NT5C2: variants seen among roughly 807,000 people sequenced by gnomAD.
The protein encoded by NT5C2 is cytosolic purine 5'-nucleotidase.
A neutral mutation model predicts 76.1 loss-of-function variants in NT5C2; 58 were observed. The ratio of observed to expected loss-of-function variants is 0.76; its 90% confidence interval spans 0.62 to 0.95. The LOEUF (loss-of-function observed/expected upper bound fraction) is 0.95, where lower values mean the gene tolerates loss of function less well. Ranked by LOEUF, NT5C2 falls within the 40% of genes least tolerant of loss-of-function variation. The probability of loss-of-function intolerance (pLI) is 0.00; values close to 1 mark genes in which losing one functional copy is unlikely to be tolerated. For synonymous variants in NT5C2, 229 were observed against 237.4 expected (o/e 0.96, Z 0.32); for missense variants, 478 against 690.3 (o/e 0.69, Z 3.45).
intron 4 of NT5C2, among the ~76,000 whole-genome samples, chr10:103,127,317 T>C (rs933088618): frequency 3.3e-5 from 5 of 152,228 alleles, no homozygotes; most frequent in African/African-American, 1.2e-4. Context: ...ATAAACAAGA[T>C]TTTTGCATAT....
intron 14 of NT5C2, 164 bp downstream of exon 14, chr10:103,093,808 A>G (rs549941986): frequency 2.1e-5 from 12 of 574,184 alleles, no homozygotes; most frequent in Admixed American, 6.0e-5. Context: ...CAACTGCTCA[A>G]ACCCAGACTC....
intron 3 of NT5C2, among the ~76,000 whole-genome samples, chr10:103,152,374 GTTGT>G (rs764258627): frequency 5.3e-4 from 80 of 152,180 alleles, no homozygotes; most frequent in Non-Finnish European, 8.4e-4. Context: ...TATACCCCTG[GTTGT>G]TCTCGTTATT....
At chr10:103,109,732 A>C (rs2072424523) in intron 4 of NT5C2, among the ~76,000 whole-genome samples, 1 of 152,214 alleles carries the variant, frequency 6.6e-6, no homozygotes. Flanking sequence ...AGCTAGAGAA[A>C]TTAGGTAACT....
rs34758128 is a variant in NT5C2, at chr10:103,090,863, A to C, written c.1272+73T>G. On this transcript the variant is annotated intron_variant, in intron 17 of 18. Coordinates refer to ENST00000404739, the MANE Select transcript of NT5C2 (RefSeq NM_001351169.2). ...GAGCAGTAGTTGAATGCTAGTCTCTATAATAAATCAGGAATGTGAAAAAAG... is the reference window on the plus strand; with the variant it reads ...GAGCAGTAGTTGAATGCTAGTCTCTCTAATAAATCAGGAATGTGAAAAAAG... The C allele has an allele frequency of 0.086, 136,595 of 1,594,456 alleles. 6,793 individuals are homozygous for C. The highest frequency in any genetic ancestry group is 0.099 in the Non-Finnish European group (115,606 of 1,163,600).
chr10:103,186,643 G>A (rs1412167308), intron 1 of NT5C2, among the ~76,000 whole-genome samples: 5 of 152,152 alleles, frequency 3.3e-5, no homozygotes, highest in South Asian at 2.1e-4. Flanking sequence ...GGCTGGGTGC[G>A]GTGGCTCATG....
intron 3 of NT5C2, among the ~76,000 whole-genome samples, chr10:103,152,247 G>A (rs904538916): frequency 1.3e-5 from 2 of 152,124 alleles, no homozygotes; most frequent in Non-Finnish European, 2.9e-5. Context: ...TAAAAAGGCA[G>A]TCCTTTAAGA....
intron 4 of NT5C2, among the ~76,000 whole-genome samples, chr10:103,128,052 T>G (rs2077012120): frequency 1.5e-5 from 1 of 68,012 alleles, no homozygotes; most frequent in Non-Finnish European, 3.3e-5. Context: ...GGTCTCTCCC[T>G]CTCCCTCTCC....
chr10:103,159,497 T>A (rs1029472883), intron 3 of NT5C2, among the ~76,000 whole-genome samples: 6 of 150,540 alleles, frequency 4.0e-5, no homozygotes, highest in South Asian at 2.1e-4. Flanking sequence ...AAGAAAAAAA[T>A]TTAATTAGCT....
intron 2 of NT5C2, chr10:103,175,506 G>A: frequency 6.0e-6 from 1 of 165,488 alleles, no homozygotes; most frequent in South Asian, 1.6e-4. Flanking sequence ...ACTACCCCAA[G>A]GTGTGAGTCT....
chr10:103,121,240 C>T (rs1009947330), intron 4 of NT5C2, among the ~76,000 whole-genome samples: 8 of 151,954 alleles, frequency 5.3e-5, no homozygotes, highest in African/African-American at 1.9e-4. Flanking sequence ...TGCTTAATGC[C>T]ATTGAATTGT....
intron 8 of NT5C2, chr10:103,100,763 T>G (rs41317254): frequency 1.4e-4 from 82 of 583,072 alleles, no homozygotes; most frequent in Non-Finnish European, 2.4e-4. Flanking sequence ...TCCCACTCAG[T>G]TGTCACAATT....
chr10:103,147,488 C>T (rs1188625686), intron 3 of NT5C2, among the ~76,000 whole-genome samples: 2 of 152,202 alleles, frequency 1.3e-5, no homozygotes, highest in Admixed American at 6.5e-5. Flanking sequence ...TGCCACAGAA[C>T]TATGTGACAG....
chr10:103,187,110 C>T lies in NT5C2; in HGVS notation c.-168-5782G>A, dbSNP rs1339528470. Among the ~76,000 whole-genome samples the T allele has an allele frequency of 6.6e-5, 10 of 151,652 alleles. No homozygotes were observed. The East Asian group carries it at 1.7e-3, about 26-fold the overall frequency. ...ACTAAAAATACAAAAATTAGCTAGG[C>T]ATGGTGGCGCATACCTGTAATCCCA... On this transcript the variant is annotated intron_variant, in intron 1 of 18. Coordinates refer to ENST00000404739, the MANE Select transcript of NT5C2 (RefSeq NM_001351169.2).
chr10:103,140,327 T>G (rs1329075859), intron 3 of NT5C2: 2 of 152,208 alleles, frequency 1.3e-5, no homozygotes, highest in Non-Finnish European at 2.9e-5. Flanking sequence ...CTTATTTCAC[T>G]TAGCATAATG....
At chr10:103,097,258 C>CTGCAT (rs2068434146) in intron 11 of NT5C2, 33 bp downstream of exon 11, 4 of 1,473,702 alleles carry the variant, frequency 2.7e-6, no homozygotes, top group Middle Eastern at 1.7e-4. Flanking sequence ...AATAATTCCA[C>CTGCAT]TGCATAAATA....
Position 103,090,704 on chromosome 10 carries a change from A to G in NT5C2, c.1356T>C (p.Ser452=), listed in dbSNP as rs1590596637. ...RSGSRQTLFA[S]QVMRYADLYA... ...AGAGGTCAGCATAACGCATCACTTG[A>G]CTGGCAAAAAGGGTCTGCCGGGAGC... The change falls in exon 18 of 19, where the codon AGT becomes AGC. Residue 452 remains serine, a synonymous_variant. Transcript: ENST00000404739. 6.2e-7 allele frequency: 1 copy of G among 1,614,196 alleles called. No homozygotes were observed. Among genetic ancestry groups the G allele is most frequent in the Non-Finnish European group, 8.5e-7 (1 of 1,180,028 alleles).
Position 103,090,481 on chromosome 10 carries a change from A to G in NT5C2, c.1449+130T>C. On this transcript the variant is annotated intron_variant, in intron 18 of 18. Coordinates refer to ENST00000404739, the MANE Select transcript of NT5C2 (RefSeq NM_001351169.2). ...CTCAAAGACCCCTTCTTATGCAACC[A>G]TATAACCTGCCCCTGGGCTCTGTAC... 4 of 764,372 alleles carry G rather than the reference A, an allele frequency of 5.2e-6. No homozygotes were observed. The East Asian group carries it at 1.1e-4, about 21-fold the overall frequency. The allele number at this position is 764,372 out of a possible 1,614,324, so 47.3% of individuals were successfully genotyped here.
At position 103,123,702 on chromosome 10, in the gene NT5C2, C is replaced by G. The variant is rs144504596; in HGVS notation, c.175+15704G>C. On this transcript the variant is annotated intron_variant, in intron 4 of 18. Coordinates refer to ENST00000404739, the MANE Select transcript of NT5C2 (RefSeq NM_001351169.2). ...ATGGTATCCACTGATTCTGAAATAA[C>G]AGAAATAAGGAGCTTATTGCTGGAT... Among the ~76,000 whole-genome samples, 643 of 152,222 alleles carry G rather than the reference C, an allele frequency of 4.2e-3. 21 individuals are homozygous for G. The highest frequency in any genetic ancestry group is 0.038 in the Admixed American group (579 of 15,294).
intron 1 of NT5C2, among the ~76,000 whole-genome samples, chr10:103,190,628 C>T (rs2092565587): frequency 6.6e-6 from 1 of 152,094 alleles, no homozygotes; most frequent in African/African-American, 2.4e-5. Flanking sequence ...ACTGAGTTCC[C>T]CGAGGTTGCA....
Sources: gnomAD v4.1 joint callset for allele counts (sites outside exome capture counted in the v4.1 genomes callset) on GRCh38, gnomAD v4.1.1 for gene constraint, MANE v1.5 for transcripts, NCBI Gene and HGNC (gene_info 2026-07-23, HGNC 2026-07-21) for gene names.